The following TLCD3B variants were observed in gnomAD, a reference collection of about 807,000 sequenced individuals.
The protein encoded by TLCD3B is ceramide synthase.
TLCD3B carries 9 observed loss-of-function variants against 23.0 expected under a neutral mutation model. The observed-to-expected ratio is 0.39, with a 90% CI of 0.24 to 0.68. The LOEUF (loss-of-function observed/expected upper bound fraction) is 0.68, where lower values mean the gene tolerates loss of function less well. Among genes scored for constraint, TLCD3B ranks in the 30% least tolerant of loss-of-function variants. The pLI is 0.44. For missense variants in TLCD3B, 307 were observed against 371.8 expected (o/e 0.83, Z 1.43); for synonymous variants, 161 against 161.0 (o/e 1.00, Z 0.00).
At chr16:30,042,203 G>A (rs2071588734) in intron 2 of TLCD3B, among the ~76,000 whole-genome samples, 2 of 151,936 alleles carry the variant, frequency 1.3e-5, no homozygotes, top group South Asian at 4.2e-4. Flanking sequence ...CTCATTTTCT[G>A]AGCCGCCTTT....
In TLCD3B at chr16:30,049,782, G is replaced by A. The variant is rs988876315; in HGVS notation, c.-294+2992C>T. Among the ~76,000 whole-genome samples the A allele has an allele frequency of 4.6e-5, 7 of 152,126 alleles. No homozygotes were observed. In the East Asian group the frequency reaches 5.8e-4, roughly 13 times the overall value. ...TCTACTAAAAATACAAAAATTAGCC[G>A]GGCATGGTGGCATGCGTCTGTAATC... is the stretch of plus-strand genomic sequence containing the variant. On this transcript the variant is annotated intron_variant, in intron 1 of 6. Transcript: ENST00000561666.
chr16:30,031,007 G>C lies in TLCD3B; in HGVS notation c.-480C>G, dbSNP rs2071342509. 1 of 155,246 alleles carries C rather than the reference G, an allele frequency of 6.4e-6. No individual in the cohort carries two copies. The allele number at this position is 155,246 out of a possible 1,614,324, so 9.6% of individuals were successfully genotyped here. On this transcript the variant is annotated 5_prime_UTR_variant, in exon 1 of 5. Transcript: ENST00000380495. Reference sequence around the variant, plus strand: ...GTGGGCGGGAGGGAGCGGAGGAGCAGCCGGGCAAGCGGTCAGCGGTCACCA... The same window carrying C: ...GTGGGCGGGAGGGAGCGGAGGAGCACCCGGGCAAGCGGTCAGCGGTCACCA...
intron 1 of TLCD3B, among the ~76,000 whole-genome samples, chr16:30,050,063 T>G (rs1000590226): frequency 1.6e-4 from 25 of 152,310 alleles, no homozygotes; most frequent in African/African-American, 5.8e-4. Flanking sequence ...GAGCCCATGG[T>G]AGGAACAAAA....
chr16:30,042,382 C>T (rs955303833), intron 2 of TLCD3B, among the ~76,000 whole-genome samples: 1 of 152,022 alleles, frequency 6.6e-6, no homozygotes, highest in Non-Finnish European at 1.5e-5. Flanking sequence ...CACCACCACA[C>T]CCAGCTAATT....
intron 2 of TLCD3B, chr16:30,027,674 A>T (rs2150978786): frequency 2.2e-6 from 1 of 455,610 alleles, no homozygotes; most frequent in African/African-American, 2.0e-5. Context: ...ATGTACTTGG[A>T]GAGTAAACAA....
In TLCD3B at chr16:30,052,286, T is replaced by G. The variant is rs557439036; in HGVS notation, c.-294+488A>C. Among the ~76,000 whole-genome samples the G allele has an allele frequency of 2.0e-5, 3 of 152,098 alleles. No homozygotes were observed. In the East Asian group the frequency reaches 5.8e-4, roughly 29 times the overall value. On this transcript the variant is annotated intron_variant, in intron 1 of 6. Coordinates refer to the TLCD3B transcript ENST00000561666. ...GGGAGGCTGAGGCGGGAGAATCGCT[T>G]GAACCCAGGAGACATAGGTTGTAGT...
intron 3 of TLCD3B, among the ~76,000 whole-genome samples, chr16:30,039,177 G>A (rs1048854252): frequency 3.0e-5 from 4 of 135,458 alleles, no homozygotes; most frequent in African/African-American, 8.4e-5. Flanking sequence ...AGGCTGGAGC[G>A]CAATAGCGCA....
chr16:30,036,810 C>G (rs1202337132), intron 3 of TLCD3B, among the ~76,000 whole-genome samples: 2 of 152,100 alleles, frequency 1.3e-5, no homozygotes, highest in Non-Finnish European at 2.9e-5. Flanking sequence ...CAGGGCCGGG[C>G]GTGGTGACTC....
chr16:30,049,532 C>G (rs1466999655), intron 1 of TLCD3B, among the ~76,000 whole-genome samples: 4 of 152,216 alleles, frequency 2.6e-5, no homozygotes, highest in Non-Finnish European at 4.4e-5. Flanking sequence ...CATCTGACAT[C>G]TCCAGCTTCC....
intron 1 of TLCD3B, among the ~76,000 whole-genome samples, chr16:30,049,196 T>C: frequency 6.6e-6 from 1 of 152,214 alleles, no homozygotes; most frequent in East Asian, 1.9e-4. Flanking sequence ...TGGAGAGGCC[T>C]CTGTTGACAC....
rs1567297264 is a variant in TLCD3B at position 30,026,650 on chromosome 16, G to A, written c.403C>T (p.His135Tyr). 1 of 1,613,806 alleles carries A rather than the reference G, an allele frequency of 6.2e-7. No individual in the cohort carries two copies. The highest frequency in any genetic ancestry group is 8.5e-7 in the Non-Finnish European group (1 of 1,180,002). Residue 135 changes from histidine to tyrosine, a missense_variant, in exon 3 of 5, where the codon CAC becomes TAC. Transcript: ENST00000380495. ...CACACCAGCACCATGGCGGCATGGT[G>A]GAGCACCATGAGGAACTCCTTGTGC... is the stretch of plus-strand genomic sequence containing the variant. ...YLHKEFLMVL[H>Y]HAAMVLVCFP...
chr16:30,035,760 T>C (rs551574299), upstream of TLCD3B, among the ~76,000 whole-genome samples: 1 of 124,028 alleles, frequency 8.1e-6, no homozygotes, highest in African/African-American at 3.3e-5. Flanking sequence ...TTTTCTTTTC[T>C]TTTTTCTTTT....
Position 30,029,345 on chromosome 16 carries a change from G to A in TLCD3B, c.209+87C>T. The A allele has an allele frequency of 8.2e-7, 1 of 1,217,566 alleles. No individual in the cohort carries two copies. Among genetic ancestry groups the A allele is most frequent in the African/African-American group, 1.5e-5 (1 of 67,036 alleles). 75.4% of individuals were successfully genotyped at this position (1,217,566 alleles called of 1,614,324 possible). ...TAAGGGCTTGGGGACCACAGACAGA[G>A]TTCCCTCCAAGATGTGGGGTCTTCC... On this transcript the variant is annotated intron_variant, in intron 2 of 4. Transcript: ENST00000380495. The surrounding 1 kb of genome is among the most constrained non-coding windows in gnomAD (Gnocchi z 4.6).
intron 2 of TLCD3B, among the ~76,000 whole-genome samples, chr16:30,043,838 C>T (rs2071614637): frequency 6.6e-6 from 1 of 151,848 alleles, no homozygotes; most frequent in South Asian, 2.1e-4. Context: ...CAAGCCACCA[C>T]CATGCACGGC....
At chr16:30,043,660 G>A (rs1403469144) in intron 2 of TLCD3B, among the ~76,000 whole-genome samples, 1 of 152,110 alleles carries the variant, frequency 6.6e-6, no homozygotes. Context: ...CAGAGCACAG[G>A]TTGTGCGTTT....
At chr16:30,046,340 G>C (rs1188855802) in exon 2 of TLCD3B, 1 of 152,318 alleles carries the variant, frequency 6.6e-6, no homozygotes, top group African/African-American at 2.4e-5. Flanking sequence ...TGTTCTTCCA[G>C]GTTCTGCCGC....
chr16:30,036,399 C>T (rs1052102681), intron 3 of TLCD3B: 1 of 1,285,538 alleles, frequency 7.8e-7, no homozygotes, highest in Non-Finnish European at 1.0e-6. Context: ...AAAGACCTCC[C>T]CTCCCATCTA....
chr16:30,024,943 G>A lies in TLCD3B; in HGVS notation c.*240C>T, dbSNP rs1009670192. On this transcript the variant is annotated 3_prime_UTR_variant, in exon 5 of 5. Coordinates refer to ENST00000380495, the MANE Select transcript of TLCD3B (RefSeq NM_031478.6). ...CTCCTGCCCTCAGTGGGTGGGAGGC[G>A]GTGCCCCCTCCCCTCCTCCAGCGCA... 8.8e-6 allele frequency: 4 copies of A among 452,006 alleles called. No individual in the cohort carries two copies. Among genetic ancestry groups the A allele is most frequent in the South Asian group, 4.9e-5 (1 of 20,272 alleles). The allele number at this position is 452,006 out of a possible 1,614,324, so 28.0% of individuals were successfully genotyped here.
chr16:30,049,937 A>AAAG (rs2071726200), intron 1 of TLCD3B, among the ~76,000 whole-genome samples: 1 of 151,742 alleles, frequency 6.6e-6, no homozygotes, highest in African/African-American at 2.4e-5. Flanking sequence ...AAAAAAAAAA[A>AAAG]AGAGAAAGAA....
Sources: gnomAD v4.1 joint callset for allele counts (sites outside exome capture counted in the v4.1 genomes callset) on GRCh38, gnomAD v4.1.1 for gene constraint, Gnocchi (gnomAD v3.1) non-coding constraint, MANE v1.5 for transcripts, NCBI Gene and HGNC (gene_info 2026-07-23, HGNC 2026-07-21) for gene names.